OPRD1: variants seen among roughly 807,000 people sequenced by gnomAD.
OPRD1 encodes the protein opioid receptor delta 1, also known as delta-type opioid receptor.
OPRD1 carries 19 observed loss-of-function variants against 17.5 expected under a neutral mutation model. The ratio of observed to expected loss-of-function variants is 1.09; its 90% CI spans 0.76 to 1.60. The LOEUF (loss-of-function observed/expected upper bound fraction) is 1.60, where lower values mean the gene tolerates loss of function less well. Ranked by LOEUF, OPRD1 falls within the 40% of genes most tolerant of loss-of-function variation. The pLI is 0.00. For synonymous variants in OPRD1, 256 were observed against 240.9 expected (o/e 1.06, Z -0.58); for missense variants, 483 against 547.2 (o/e 0.88, Z 1.17).
intron 1 of OPRD1, among the ~76,000 whole-genome samples, chr1:28,846,891 T>TTTCTTTC (rs1316992296): frequency 1.8e-5 from 1 of 55,822 alleles, no homozygotes; most frequent in African/African-American, 3.8e-5. Flanking sequence ...TCTTTCTTTC[T>TTTCTTTC]TTTCTCTTTC....
chr1:28,841,865 C>T (rs111954106), intron 1 of OPRD1, among the ~76,000 whole-genome samples: 4,416 of 150,846 alleles, frequency 0.029, 199 homozygotes, highest in African/African-American at 0.1. Context: ...AGGCATGCAC[C>T]ACCACACCTG....
chr1:28,854,673 G>C (rs1466943819), intron 1 of OPRD1, among the ~76,000 whole-genome samples: 1 of 149,286 alleles, frequency 6.7e-6, no homozygotes, highest in African/African-American at 2.5e-5. Flanking sequence ...TTTTTTTTGA[G>C]ACAGAGTCTC....
At chr1:28,837,278 A>G (rs1046781801) in intron 1 of OPRD1, among the ~76,000 whole-genome samples, 2 of 151,682 alleles carry the variant, frequency 1.3e-5, no homozygotes, top group Non-Finnish European at 1.5e-5. Flanking sequence ...AATGCGAGCA[A>G]TGGGGAGTGG....
At chr1:28,862,169 G>A (rs930047352) in intron 2 of OPRD1, among the ~76,000 whole-genome samples, 7 of 150,926 alleles carry the variant, frequency 4.6e-5, no homozygotes, top group Middle Eastern at 3.5e-3. Context: ...TGCCCTCCTC[G>A]GCCTCCCAAA....
rs993188542 is a variant in OPRD1 at position 28,865,574 on chromosome 1, C to A, written c.*2291C>A. The A allele has an allele frequency of 6.6e-6, 1 of 152,136 alleles. No homozygotes were observed. The highest frequency in any genetic ancestry group is 2.4e-5 in the African/African-American group (1 of 41,416). The allele number at this position is 152,136 out of a possible 1,614,324, so 9.4% of individuals were successfully genotyped here. A position where few individuals can be genotyped will look rare whatever the true frequency, so the allele number is the denominator to read the frequency against. On this transcript the variant is annotated 3_prime_UTR_variant, in exon 3 of 3. Coordinates refer to ENST00000234961, the MANE Select transcript of OPRD1 (RefSeq NM_000911.4). ...GTGAGGCTCCCAGCAGCCCCAGACC[C>A]GGGGATGTGCCTCCTTTGGGAAATG...
At chr1:28,812,724 C>G in intron 1 of OPRD1, 114 bp downstream of exon 1, 1 of 964,656 alleles carries the variant, frequency 1.0e-6, no homozygotes, top group African/African-American at 1.7e-5. Flanking sequence ...GCATTTCCTG[C>G]AGGGGCACCT....
At chr1:28,814,180 G>A (rs940284646) in intron 1 of OPRD1, among the ~76,000 whole-genome samples, 1 of 151,974 alleles carries the variant, frequency 6.6e-6, no homozygotes, top group East Asian at 1.9e-4. Flanking sequence ...TCCCCACTTC[G>A]CAGGCTTCGA....
At chr1:28,851,285 G>A (rs757119261) in intron 1 of OPRD1, among the ~76,000 whole-genome samples, 3 of 152,234 alleles carry the variant, frequency 2.0e-5, no homozygotes, top group African/African-American at 4.8e-5. Flanking sequence ...TCTGGACAAT[G>A]AGGGAGCCAT....
chr1:28,815,689 A>C (rs111787630), intron 1 of OPRD1, among the ~76,000 whole-genome samples: 1 of 152,190 alleles, frequency 6.6e-6, no homozygotes, highest in African/African-American at 2.4e-5. Context: ...GCTGCGCTCC[A>C]TCTGCGGTTT....
At chr1:28,859,418 G>A in intron 2 of OPRD1, 115 bp downstream of exon 2, 2 of 844,086 alleles carry the variant, frequency 2.4e-6, no homozygotes, top group Non-Finnish European at 3.6e-6. Context: ...ATCAGCAGAG[G>A]TTGGATTCTG....
At chr1:28,841,298 A>G (rs996854886) in intron 1 of OPRD1, among the ~76,000 whole-genome samples, 1 of 152,378 alleles carries the variant, frequency 6.6e-6, no homozygotes, top group Non-Finnish European at 1.5e-5. Context: ...TGAGAAGCAG[A>G]TGAATGCTAC....
rs1569661843 is a variant in OPRD1, at chr1:28,863,456, G to A, written c.*173G>A. The A allele has an allele frequency of 1.4e-6, 1 of 724,490 alleles. No homozygotes were observed. Among genetic ancestry groups the A allele is most frequent in the East Asian group, 3.2e-5 (1 of 31,028 alleles). The allele number at this position is 724,490 out of a possible 1,614,324, so 44.9% of individuals were successfully genotyped here. A position where few individuals can be genotyped will look rare whatever the true frequency, so the allele number is the denominator to read the frequency against. The stretch of plus-strand genomic sequence containing the variant: ...GACCGGGCCGCTAGATGGGCATGGG[G>A]TGGGCCTCTGGTTTGGGGCGAGGCA... On this transcript the variant is annotated 3_prime_UTR_variant, in exon 3 of 3. Transcript: ENST00000234961.
Position 28,859,131 on chromosome 1 carries a change from C to G in OPRD1, c.405C>G (p.Ser135Arg). The G allele has an allele frequency of 6.2e-7, 1 of 1,614,222 alleles. No individual in the cohort carries two copies. The highest frequency in any genetic ancestry group is 8.5e-7 in the Non-Finnish European group (1 of 1,180,038). ...LSIDYYNMFTSIFTLTMMSVD... is the reference protein window; with the variant it reads ...LSIDYYNMFTRIFTLTMMSVD... ...TCGACTACTACAATATGTTCACCAG[C>G]ATCTTCACGCTCACCATGATGAGTG... The change falls in exon 2 of 3, where the codon AGC (serine) becomes AGG (arginine). Residue 135 changes from serine (S) to arginine (R), a missense_variant. Transcript: ENST00000234961.
chr1:28,858,002 G>C (rs2089072319), intron 1 of OPRD1, among the ~76,000 whole-genome samples: 1 of 151,338 alleles, frequency 6.6e-6, no homozygotes, highest in East Asian at 1.9e-4. Flanking sequence ...CATGTTGGTT[G>C]GTCAGGATGG....
chr1:28,844,829 C>A (rs2088925616), intron 1 of OPRD1, among the ~76,000 whole-genome samples: 1 of 152,064 alleles, frequency 6.6e-6, no homozygotes, highest in Non-Finnish European at 1.5e-5. Flanking sequence ...ACTGCAACCT[C>A]CACCTCCCAG....
chr1:28,816,317 G>A (rs1258498378), intron 1 of OPRD1, among the ~76,000 whole-genome samples: 9 of 152,094 alleles, frequency 5.9e-5, no homozygotes, highest in Admixed American at 5.9e-4. Flanking sequence ...ATGGGGGCAG[G>A]GGAGGGTCTC....
In OPRD1 at chr1:28,867,120, A is replaced by C. The variant is rs2089181726; in HGVS notation, c.*3837A>C. On this transcript the variant is annotated 3_prime_UTR_variant, in exon 3 of 3. Transcript: ENST00000234961. ...ACTCCTGGGCTCAAGTGATCTTCCC[A>C]CCTCAGCCTCCTGAGAATCTGGGAC... 6.7e-6 allele frequency: 1 copy of C among 148,882 alleles called. No individual in the cohort carries two copies. The highest frequency in any genetic ancestry group is 2.5e-5 in the African/African-American group (1 of 40,310). The allele number at this position is 148,882 out of a possible 1,614,324, so 9.2% of individuals were successfully genotyped here.
In OPRD1 at chr1:28,821,034, T is replaced by C. The variant is rs562502170; in HGVS notation, c.227+8424T>C. On this transcript the variant is annotated intron_variant, in intron 1 of 2. Transcript: ENST00000234961. ...TCCTACCACAGAGAAAAGAGCTTTT[T>C]CATTTTGGTGTGTTTCCTTCCCATC... Among the ~76,000 whole-genome samples, 124 of 152,314 alleles carry C rather than the reference T, an allele frequency of 8.1e-4. No homozygotes were observed. The Middle Eastern group carries it at 0.01, about 13-fold the overall frequency.
intron 1 of OPRD1, among the ~76,000 whole-genome samples, chr1:28,841,558 C>T (rs1345997182): frequency 6.6e-6 from 1 of 152,180 alleles, no homozygotes; most frequent in Admixed American, 6.6e-5. Flanking sequence ...CTGCTTTTGG[C>T]ATAGTGCTTG....
Sources: gnomAD v4.1 joint callset for allele counts (sites outside exome capture counted in the v4.1 genomes callset) on GRCh38, gnomAD v4.1.1 for gene constraint, MANE v1.5 for transcripts, NCBI Gene and HGNC (gene_info 2026-07-23, HGNC 2026-07-21) for gene names.